The following TRIM69 variants were observed in gnomAD, a reference collection of about 807,000 sequenced individuals.
TRIM69 encodes the protein tripartite motif containing 69.
In TRIM69, 29 loss-of-function variants were observed where a neutral mutation model predicts 37.7. That is an observed-to-expected ratio of 0.77 (90% CI 0.57 to 1.05). The LOEUF (loss-of-function observed/expected upper bound fraction) is 1.05, where lower values mean the gene tolerates loss of function less well. Ranked by LOEUF, TRIM69 falls within the 50% of genes least tolerant of loss-of-function variation. The pLI is 0.00. For synonymous variants in TRIM69, 209 were observed against 212.4 expected (o/e 0.98, Z 0.14); for missense variants, 596 against 579.9 (o/e 1.03, Z -0.28).
intron 1 of TRIM69, among the ~76,000 whole-genome samples, chr15:44,745,463 A>G (rs1211353944): frequency 6.6e-6 from 1 of 152,232 alleles, no homozygotes; most frequent in East Asian, 1.9e-4. Context: ...ATTTCACATT[A>G]TACTTGTCAA....
At chr15:44,752,333 G>T (rs1179772758) in intron 1 of TRIM69, among the ~76,000 whole-genome samples, 2 of 152,026 alleles carry the variant, frequency 1.3e-5, no homozygotes, top group Non-Finnish European at 2.9e-5. Context: ...TTATCTTCTT[G>T]ATTGATTGAC....
chr15:44,762,067 G>A (rs1365553915), intron 6 of TRIM69, among the ~76,000 whole-genome samples: 5 of 152,026 alleles, frequency 3.3e-5, no homozygotes, highest in Non-Finnish European at 4.4e-5. Flanking sequence ...CCAGGTTCAC[G>A]CCATTCTCCT....
At chr15:44,756,762 CA>C (rs3837719) in intron 3 of TRIM69, 25,132 of 209,740 alleles carry the variant, frequency 0.12, 1,398 homozygotes, top group African/African-American at 0.18. Flanking sequence ...TTATCTATGG[CA>C]AAAAAAAAAA....
intron 1 of TRIM69, among the ~76,000 whole-genome samples, chr15:44,749,121 C>T (rs902482938): frequency 2.6e-5 from 4 of 152,128 alleles, no homozygotes; most frequent in African/African-American, 7.2e-5. Context: ...AATTCCTGGG[C>T]TCAAGCGATC....
At chr15:44,737,797 T>TA (rs923719006) in intron 1 of TRIM69, among the ~76,000 whole-genome samples, 2 of 152,152 alleles carry the variant, frequency 1.3e-5, no homozygotes, top group Non-Finnish European at 1.5e-5. Context: ...TAATTCTTCA[T>TA]AAAAACTGCC....
intron 1 of TRIM69, among the ~76,000 whole-genome samples, chr15:44,752,634 T>C (rs1438810519): frequency 6.6e-6 from 1 of 152,224 alleles, no homozygotes; most frequent in Non-Finnish European, 1.5e-5. Context: ...TAATTACTGA[T>C]AAAGACTTAC....
At chr15:44,761,109 G>A (rs1596034646) in intron 6 of TRIM69, among the ~76,000 whole-genome samples, 1 of 151,904 alleles carries the variant, frequency 6.6e-6, no homozygotes, top group African/African-American at 2.4e-5. Context: ...CAGTAGAGAC[G>A]GGGTTTCACC....
chr15:44,741,788 A>G (rs2141308913), intron 1 of TRIM69, among the ~76,000 whole-genome samples: 1 of 152,370 alleles, frequency 6.6e-6, no homozygotes, highest in South Asian at 2.1e-4. Flanking sequence ...ATCTCTGAAT[A>G]GACCAATAAC....
intron 1 of TRIM69, among the ~76,000 whole-genome samples, chr15:44,737,482 A>G (rs1254663182): frequency 6.6e-6 from 1 of 152,180 alleles, no homozygotes; most frequent in Non-Finnish European, 1.5e-5. Flanking sequence ...CTATATTCTT[A>G]TTACTTTAAG....
chr15:44,758,932 G>T, intron 4 of TRIM69, 78 bp downstream of exon 4: 3 of 1,496,960 alleles, frequency 2.0e-6, no homozygotes, highest in Non-Finnish European at 1.8e-6. Flanking sequence ...ATGCGGAAGT[G>T]GCTTTTCACA....
chr15:44,758,307 A>C, intron 3 of TRIM69: 4 of 384,074 alleles, frequency 1.0e-5, no homozygotes, highest in East Asian at 1.1e-4. Context: ...CTAGGAGGGT[A>C]TTATCTTTCA....
At position 44,764,186 on chromosome 15, in the gene TRIM69, G is replaced by T. The variant is rs142114003; in HGVS notation, c.962-3045G>T. On this transcript the variant is annotated intron_variant, in intron 6 of 6. Transcript: ENST00000329464. ...CAGAGTTTTTCTTCCTGTATACTTT[G>T]CTCTGTAAAGCCAAACTTCACTTCT... Among the ~76,000 whole-genome samples, 450 of 152,258 alleles carry T rather than the reference G, an allele frequency of 3.0e-3. 4 individuals are homozygous for T. Among genetic ancestry groups the T allele is most frequent in the African/African-American group, 0.01 (432 of 41,532 alleles).
chr15:44,740,396 G>GTCA (rs2087255924), intron 1 of TRIM69, among the ~76,000 whole-genome samples: 1 of 152,238 alleles, frequency 6.6e-6, no homozygotes, highest in South Asian at 2.1e-4. Flanking sequence ...ACTTTGACAA[G>GTCA]TTGAGAGAAG....
chr15:44,744,974 G>A (rs1196050073), intron 1 of TRIM69, among the ~76,000 whole-genome samples: 2 of 148,132 alleles, frequency 1.4e-5, no homozygotes, highest in South Asian at 2.2e-4. Context: ...AGAAAGGCTG[G>A]GGAAAGAGTT....
rs1448276612 is a variant in TRIM69, at chr15:44,755,367, T to G, written c.474T>G (p.His158Gln). 1 of 1,612,310 alleles carries G rather than the reference T, an allele frequency of 6.2e-7. No individual in the cohort carries two copies. Among genetic ancestry groups the G allele is most frequent in the Non-Finnish European group, 8.5e-7 (1 of 1,179,130 alleles). Residue 158 changes from histidine (H) to glutamine (Q), a missense_variant, in exon 2 of 7, where the codon CAT becomes CAG. Transcript: ENST00000329464. Reference protein sequence around the residue: ...KEFLQISDAVHFFTEELAIQQ... With the variant: ...KEFLQISDAVQFFTEELAIQQ... ...TCCTGCAAATCTCTGATGCTGTCCA[T>G]TTCTTCACGGTGGGTGAGCCCTGGG...
At chr15:44,753,560 C>G (rs551208412) in intron 1 of TRIM69, 2 of 152,198 alleles carry the variant, frequency 1.3e-5, no homozygotes, top group Non-Finnish European at 2.9e-5. Context: ...AGTCATTTCT[C>G]TCTTGCTGCT....
Position 44,755,165 on chromosome 15 carries a change from C to A in TRIM69, c.272C>A (p.Thr91Lys). Residue 91 changes from threonine (T) to lysine (K), a missense_variant, in exon 2 of 7, where the codon ACA becomes AAA. Physicochemically the swap from Thr to Lys is moderately conservative, Grantham distance 78. Coordinates refer to ENST00000329464, the MANE Select transcript of TRIM69 (RefSeq NM_182985.5). ...CKMLCQYNNC[T>K]FNPVLDKLVE... is the part of the protein sequence containing the mutation. ...ATGCTATGTCAGTATAACAACTGTA[C>A]ATTCAACCCTGTACTGGACAAGTTG... 1 of 1,614,240 alleles carries A rather than the reference C, an allele frequency of 6.2e-7. No individual in the cohort carries two copies. Among genetic ancestry groups the A allele is most frequent in the Non-Finnish European group, 8.5e-7 (1 of 1,180,042 alleles).
chr15:44,766,711 C>A (rs552778629), intron 6 of TRIM69, among the ~76,000 whole-genome samples: 1 of 151,444 alleles, frequency 6.6e-6, no homozygotes, highest in South Asian at 2.1e-4. Context: ...TGATTTTTAC[C>A]CTAAATATAA....
chr15:44,759,511 G>A (rs2087726888), intron 4 of TRIM69, 129 bp from the exon 5 acceptor site: 1 of 856,218 alleles, frequency 1.2e-6, no homozygotes, highest in African/African-American at 1.7e-5. Flanking sequence ...AGTGTATGAA[G>A]GATGAAAGAA....
Sources: allele counts gnomAD v4.1 joint callset (sites outside exome capture counted in the v4.1 genomes callset), GRCh38; gene constraint gnomAD v4.1.1; transcripts MANE v1.5; gene names NCBI Gene and HGNC (gene_info 2026-07-23, HGNC 2026-07-21).